Variants in RSPO2 observed in about 807,000 individuals in gnomAD.
RSPO2 encodes the protein R-spondin 2.
RSPO2 carries 14 observed loss-of-function variants against 30.9 expected under a neutral mutation model. That is an observed-to-expected ratio of 0.45 (90% confidence interval 0.30 to 0.71). The LOEUF (loss-of-function observed/expected upper bound fraction) is 0.71, where lower values mean the gene tolerates loss of function less well. Among genes scored for constraint, RSPO2 ranks in the 30% least tolerant of loss-of-function variants. The pLI, the probability that RSPO2 is intolerant of heterozygous loss-of-function variation, is 0.08. For missense variants in RSPO2, 264 were observed against 301.9 expected, an observed-to-expected ratio of 0.87 and a Z score of 0.93; for synonymous variants, 107 against 96.4, an observed-to-expected ratio of 1.11 and a Z score of -0.64.
chr8:107,929,919 T>A (rs1484062260), intron 5 of RSPO2, among the ~76,000 whole-genome samples: 1 of 152,184 alleles, frequency 6.6e-6, no homozygotes. Context: ...CCCAATTCAG[T>A]TCTAGTATTC....
At chr8:107,944,131 GTC>G (rs1268959604) in intron 5 of RSPO2, among the ~76,000 whole-genome samples, 1 of 152,076 alleles carries the variant, frequency 6.6e-6, no homozygotes, top group African/African-American at 2.4e-5. Flanking sequence ...TATAATTCAA[GTC>G]TCTGGTTTAT....
intron 5 of RSPO2, among the ~76,000 whole-genome samples, chr8:107,943,759 C>G (rs1427833616): frequency 6.6e-6 from 1 of 152,194 alleles, no homozygotes; most frequent in African/African-American, 2.4e-5. Flanking sequence ...ATGCAACAGA[C>G]ACTTGACATT....
chr8:108,021,527 T>G (rs1251365806), intron 2 of RSPO2, among the ~76,000 whole-genome samples: 1 of 152,094 alleles, frequency 6.6e-6, no homozygotes, highest in Admixed American at 6.6e-5. Flanking sequence ...GTGGGAAACA[T>G]CTAATTCCAA....
At chr8:108,032,619 G>C (rs1811458918) in intron 2 of RSPO2, among the ~76,000 whole-genome samples, 1 of 151,774 alleles carries the variant, frequency 6.6e-6, no homozygotes, top group Admixed American at 6.6e-5. Flanking sequence ...TAATAAGCAG[G>C]GTTTTTGTTT....
Position 107,953,671 on chromosome 8 carries a change from T to C in RSPO2, c.616+4409A>G, listed in dbSNP as rs148383084. Among the ~76,000 whole-genome samples, 1,000 of 152,308 alleles carry C rather than the reference T, an allele frequency of 6.6e-3. 4 individuals are homozygous for C. Among genetic ancestry groups the C allele is most frequent in the Non-Finnish European group, 9.7e-3 (657 of 68,020 alleles). ...ACAGGTTTCCTAAGCAGCAGGATGA[T>C]GGTCCTACTCTCGGTTCTACCACTA... On this transcript the variant is annotated intron_variant, in intron 5 of 5. Coordinates refer to ENST00000276659, the MANE Select transcript of RSPO2 (RefSeq NM_178565.5).
chr8:108,070,959 A>C (rs116442043), intron 2 of RSPO2, among the ~76,000 whole-genome samples: 3,996 of 152,068 alleles, frequency 0.026, 162 homozygotes, highest in African/African-American at 0.089. Context: ...CTCAAGTTTG[A>C]GGAAATGGTC....
chr8:107,911,072 A>G (rs1229142074), intron 5 of RSPO2, among the ~76,000 whole-genome samples: 3 of 152,144 alleles, frequency 2.0e-5, no homozygotes, highest in African/African-American at 7.2e-5. Flanking sequence ...ATACTTTGTC[A>G]TCTACTGTTA....
At chr8:108,021,177 C>T (rs1811047524) in intron 2 of RSPO2, among the ~76,000 whole-genome samples, 1 of 152,116 alleles carries the variant, frequency 6.6e-6, no homozygotes, top group Non-Finnish European at 1.5e-5. Flanking sequence ...TTGGTCTCAA[C>T]CATTTTGAAC....
intron 5 of RSPO2, among the ~76,000 whole-genome samples, chr8:107,916,022 G>A (rs1811970366): frequency 6.6e-6 from 1 of 152,022 alleles, no homozygotes; most frequent in East Asian, 1.9e-4. Context: ...TAAGAAACTG[G>A]CAAATGAAAA....
At chr8:107,996,952 G>A (rs716149) in intron 2 of RSPO2, 65,350 of 451,138 alleles carry the variant, frequency 0.14, 5,606 homozygotes, top group Middle Eastern at 0.3. Context: ...CCCTACACAC[G>A]AGGAATTCCC....
chr8:107,982,827 C>T (rs548118427), intron 3 of RSPO2, among the ~76,000 whole-genome samples: 48 of 152,342 alleles, frequency 3.2e-4, no homozygotes, highest in Admixed American at 8.5e-4. Context: ...ATCCTCTCTG[C>T]TTTCCTAGTG....
At position 107,989,245 on chromosome 8, in the gene RSPO2, C is replaced by G; in HGVS notation, c.95-1G>C. The stretch of plus-strand genomic sequence containing the variant: ...CAAATGGGATTTGATACATAACTAG[C>G]TGTAAAAGAAAAACAAAAATTGTGT... On this transcript the variant is annotated splice_acceptor_variant, in intron 2 of 5. Coordinates refer to ENST00000276659, the MANE Select transcript of RSPO2 (RefSeq NM_178565.5). LOFTEE classifies it high-confidence loss of function. The G allele has an allele frequency of 6.5e-7, 1 of 1,540,616 alleles. No individual in the cohort carries two copies. The highest frequency in any genetic ancestry group is 8.7e-7 in the Non-Finnish European group (1 of 1,149,974).
At chr8:108,072,144 C>T (rs1052910529) in intron 2 of RSPO2, among the ~76,000 whole-genome samples, 1 of 152,004 alleles carries the variant, frequency 6.6e-6, no homozygotes, top group Non-Finnish European at 1.5e-5. Context: ...CCAGCTGAAT[C>T]AACAGGGTAA....
chr8:107,937,957 T>A (rs1219995482), intron 5 of RSPO2, among the ~76,000 whole-genome samples: 1 of 152,082 alleles, frequency 6.6e-6, no homozygotes, highest in African/African-American at 2.4e-5. Flanking sequence ...ATATAAATAT[T>A]TCTTGTTAGT....
chr8:108,058,716 T>C (rs1485757454), intron 2 of RSPO2, among the ~76,000 whole-genome samples: 1 of 151,830 alleles, frequency 6.6e-6, no homozygotes, highest in Non-Finnish European at 1.5e-5. Flanking sequence ...TATCTGATCT[T>C]TCACAAACCT....
chr8:108,070,270 C>A (rs1653294188), intron 2 of RSPO2, among the ~76,000 whole-genome samples: 2 of 149,528 alleles, frequency 1.3e-5, no homozygotes, highest in Non-Finnish European at 3.0e-5. Context: ...CACAGCAAGA[C>A]CCCATCTCTT....
chr8:108,076,426 G>A (rs1230655954), intron 2 of RSPO2, among the ~76,000 whole-genome samples: 3 of 152,192 alleles, frequency 2.0e-5, no homozygotes, highest in Non-Finnish European at 4.4e-5. Flanking sequence ...TAAGTGGATT[G>A]AAGTAGATGC....
intron 2 of RSPO2, among the ~76,000 whole-genome samples, chr8:108,016,105 A>G (rs1279997904): frequency 6.6e-6 from 1 of 152,226 alleles, no homozygotes. Flanking sequence ...GAAAGAGGAT[A>G]TGGCTACAGA....
intron 5 of RSPO2, among the ~76,000 whole-genome samples, chr8:107,936,659 G>A (rs957275654): frequency 2.6e-5 from 4 of 152,020 alleles, no homozygotes; most frequent in Admixed American, 2.6e-4. Flanking sequence ...TCTAACTAGG[G>A]TTAGATCATA....
Sources: gnomAD v4.1 joint callset for allele counts (sites outside exome capture counted in the v4.1 genomes callset) on GRCh38, gnomAD v4.1.1 for gene constraint, MANE v1.5 for transcripts, NCBI Gene and HGNC (gene_info 2026-07-23, HGNC 2026-07-21) for gene names.